Variants in STYXL1 observed in about 807,000 individuals in gnomAD.
STYXL1 encodes serine/threonine/tyrosine interacting like 1.
A neutral mutation model predicts 36.4 loss-of-function variants in STYXL1; 32 were observed. The observed-to-expected ratio is 0.88, with a 90% CI of 0.66 to 1.18. The LOEUF is 1.18. STYXL1 is among the 50% of genes most tolerant of loss of function. The probability of loss-of-function intolerance (pLI) is 0.00; values close to 1 mark genes in which losing one functional copy is unlikely to be tolerated. For synonymous variants in STYXL1, 133 were observed against 144.1 expected (o/e 0.92, Z 0.55); for missense variants, 354 against 394.1 (o/e 0.90, Z 0.86).
At chr7:76,016,543 A>T (rs1554574085) in intron 4 of STYXL1, among the ~76,000 whole-genome samples, 2 of 152,016 alleles carry the variant, frequency 1.3e-5, no homozygotes, top group Non-Finnish European at 1.5e-5. Flanking sequence ...CCCTCTAGAG[A>T]ACTCTAATAC....
At chr7:76,012,247 C>G (rs969647942) in intron 5 of STYXL1, among the ~76,000 whole-genome samples, 7 of 151,122 alleles carry the variant, frequency 4.6e-5, no homozygotes, top group Non-Finnish European at 1.0e-4. Flanking sequence ...GCTAAAACTA[C>G]AGGTGTGAGT....
At chr7:76,017,468 A>G (rs1279565247) in intron 4 of STYXL1, among the ~76,000 whole-genome samples, 1 of 152,170 alleles carries the variant, frequency 6.6e-6, no homozygotes, top group African/African-American at 2.4e-5. Flanking sequence ...ATAGAAAACC[A>G]GATACCACAT....
At chr7:76,039,340 T>A (rs1037782135) in intron 1 of STYXL1, among the ~76,000 whole-genome samples, 2 of 151,330 alleles carry the variant, frequency 1.3e-5, no homozygotes, top group African/African-American at 4.9e-5. Flanking sequence ...CCTCCCAAAG[T>A]GGTGGGATTA....
intron 4 of STYXL1, among the ~76,000 whole-genome samples, chr7:76,016,448 T>C (rs575330837): frequency 6.6e-6 from 1 of 151,834 alleles, no homozygotes; most frequent in African/African-American, 2.4e-5. Flanking sequence ...TACGCATATA[T>C]ACACATATAT....
chr7:76,031,659 G>T (rs1795348188), intron 1 of STYXL1, among the ~76,000 whole-genome samples: 2 of 150,326 alleles, frequency 1.3e-5, no homozygotes, highest in African/African-American at 4.9e-5. Context: ...AGGTTGAAGT[G>T]AGCCAAGATT....
At chr7:76,046,274 C>CTCTGTG (rs1451331977) in intron 1 of STYXL1, among the ~76,000 whole-genome samples, 1 of 103,164 alleles carries the variant, frequency 9.7e-6, no homozygotes, top group African/African-American at 4.4e-5. Flanking sequence ...AGCTTATCTG[C>CTCTGTG]TGTGTGTGTG....
chr7:76,011,542 T>G (rs1345588094), intron 5 of STYXL1, among the ~76,000 whole-genome samples: 2 of 152,222 alleles, frequency 1.3e-5, no homozygotes, highest in Non-Finnish European at 2.9e-5. Flanking sequence ...CCAGAAAGTA[T>G]GGAATCTGCT....
chr7:76,007,520 A>G (rs1356616219), intron 5 of STYXL1, among the ~76,000 whole-genome samples: 1 of 152,124 alleles, frequency 6.6e-6, no homozygotes, highest in African/African-American at 2.4e-5. Context: ...TTTGGTATCT[A>G]TTGGGGGCCC....
chr7:76,032,380 C>G (rs1795455838), intron 1 of STYXL1, among the ~76,000 whole-genome samples: 1 of 130,954 alleles, frequency 7.6e-6, no homozygotes, highest in Non-Finnish European at 1.6e-5. Context: ...GTCTGGGCAA[C>G]AGAGTGAGAC....
rs1796637110 is a variant in STYXL1 at position 76,043,171 on chromosome 7, ACG to A, written c.-5+4489_-5+4490del. Among the ~76,000 whole-genome samples the A allele has an allele frequency of 2.6e-5, 4 of 152,160 alleles. 1 individual carries two copies. In the South Asian group the frequency reaches 8.3e-4, roughly 32 times the overall value. ...AGTATTGCTTTTCTGAGATGGAGTC[ACG>A]CTCTGTTGCCCAGGCTGGAGTGCAG... On this transcript the variant is annotated intron_variant, in intron 1 of 8. Transcript: ENST00000359697.
At chr7:76,004,309 G>A (rs897716932) in intron 6 of STYXL1, among the ~76,000 whole-genome samples, 6 of 152,256 alleles carry the variant, frequency 3.9e-5, no homozygotes, top group South Asian at 2.1e-4. Context: ...GGCCAGGCTG[G>A]TCATCAAACT....
At chr7:76,032,399 G>A (rs201166336) in intron 1 of STYXL1, among the ~76,000 whole-genome samples, 15 of 132,384 alleles carry the variant, frequency 1.1e-4, no homozygotes, top group South Asian at 2.5e-4. Flanking sequence ...ACCCTGTCTT[G>A]AAAAAAAAAA....
chr7:76,011,047 T>G (rs1461357284), intron 5 of STYXL1, among the ~76,000 whole-genome samples: 2 of 152,070 alleles, frequency 1.3e-5, no homozygotes, highest in African/African-American at 4.8e-5. Flanking sequence ...AGACCCTGTA[T>G]CTGCAAAAAA....
chr7:76,004,002 G>T lies in STYXL1; in HGVS notation c.600-147C>A, dbSNP rs1791322289. 14 of 658,644 alleles carry T rather than the reference G, an allele frequency of 2.1e-5. No homozygotes were observed. In the East Asian group the frequency reaches 3.9e-4, roughly 18 times the overall value. 40.8% of individuals were successfully genotyped at this position (658,644 alleles called of 1,614,324 possible). A position where few individuals can be genotyped will look rare whatever the true frequency, so the allele number is the denominator to read the frequency against. ...TGCACAGGTAACTCAACCTCTCCTG[G>T]AAAAAAACATCCAGGCTGGGTGTGG... On this transcript the variant is annotated intron_variant, in intron 6 of 8. Transcript: ENST00000359697.
chr7:76,007,242 C>T (rs1046148861), intron 5 of STYXL1, among the ~76,000 whole-genome samples: 5 of 151,974 alleles, frequency 3.3e-5, no homozygotes, highest in Non-Finnish European at 7.4e-5. Flanking sequence ...ACCTGGCCAA[C>T]GAGTGAAACC....
chr7:76,046,775 G>GGAGTAGTT (rs1245900801), intron 1 of STYXL1, among the ~76,000 whole-genome samples: 2 of 149,780 alleles, frequency 1.3e-5, no homozygotes, highest in Non-Finnish European at 3.0e-5. Context: ...CTCAGCCTCC[G>GGAGTAGTT]GAGTAGTTGG....
chr7:76,026,192 C>CAAAAAAAAAAAAAAAA (rs1159067824), intron 3 of STYXL1, among the ~76,000 whole-genome samples: 4 of 18,624 alleles, frequency 2.1e-4, no homozygotes, highest in Non-Finnish European at 2.6e-4. Flanking sequence ...ACTCTGTCTC[C>CAAAAAAAAAAAAAAAA]AAAAAAAAAA....
chr7:76,046,273 GCT>G (rs1796951608), intron 1 of STYXL1, among the ~76,000 whole-genome samples: 1 of 131,576 alleles, frequency 7.6e-6, no homozygotes, highest in Non-Finnish European at 1.6e-5. Flanking sequence ...CAGCTTATCT[GCT>G]GTGTGTGTGT....
chr7:76,015,224 T>C lies in STYXL1; in HGVS notation c.308-1337A>G, dbSNP rs377482350. On this transcript the variant is annotated intron_variant, in intron 4 of 8. Coordinates refer to ENST00000359697, the MANE Select transcript of STYXL1 (RefSeq NM_001317785.2). ...ATGGTCGTGCCACTGCACTACAGCC[T>C]TGGAGACAGAACAAGACCTTGTCTC... Among the ~76,000 whole-genome samples the C allele has an allele frequency of 2.4e-4, 36 of 152,262 alleles. No individual in the cohort carries two copies. In the East Asian group the frequency reaches 3.1e-3, roughly 13 times the overall value.
Sources: allele counts gnomAD v4.1 joint callset (sites outside exome capture counted in the v4.1 genomes callset), GRCh38; gene constraint gnomAD v4.1.1; transcripts MANE v1.5; gene names NCBI Gene and HGNC (gene_info 2026-07-23, HGNC 2026-07-21).